The following CREBBP variants were observed in gnomAD, a reference collection of about 807,000 sequenced individuals.
CREBBP encodes the protein CREB-binding protein.
CREBBP carries 19 observed loss-of-function variants against 265.0 expected under a neutral mutation model. That is an observed-to-expected ratio of 0.07 (90% CI 0.05 to 0.11). CREBBP has a LOEUF of 0.11. CREBBP is among the 10% of genes least tolerant of loss of function. The pLI is 1.00. For synonymous variants in CREBBP, 1,457 were observed against 1,223.7 expected, an observed-to-expected ratio of 1.19 and a Z score of -3.98; for missense variants, 2,525 against 3,219.0, an observed-to-expected ratio of 0.78 and a Z score of 5.22.
chr16:3,806,766 C>G (rs1288113640), intron 3 of CREBBP, among the ~76,000 whole-genome samples: 1 of 152,124 alleles, frequency 6.6e-6, no homozygotes, highest in Non-Finnish European at 1.5e-5. Context: ...CATCTTCCCT[C>G]CAAGGCCCCC....
At chr16:3,867,443 A>C (rs970056160) in intron 1 of CREBBP, among the ~76,000 whole-genome samples, 3 of 152,004 alleles carry the variant, frequency 2.0e-5, no homozygotes, top group Admixed American at 6.5e-5. Flanking sequence ...AGTGAGCTAT[A>C]ATCTCACCAC....
intron 1 of CREBBP, among the ~76,000 whole-genome samples, chr16:3,877,576 G>A (rs1184953941): frequency 6.6e-6 from 1 of 152,194 alleles, no homozygotes; most frequent in Non-Finnish European, 1.5e-5. Context: ...CTATGTTTTT[G>A]TATTTTGAGT....
At chr16:3,771,024 C>T (rs748446701) in intron 13 of CREBBP, 38 bp from the exon 14 acceptor site, 3 of 1,609,210 alleles carry the variant, frequency 1.9e-6, no homozygotes, top group Non-Finnish European at 2.5e-6. Context: ...AATTATTTCC[C>T]CCGTTTGAAA....
intron 23 of CREBBP, chr16:3,742,203 G>A (rs1158008778): frequency 6.6e-6 from 1 of 152,256 alleles, no homozygotes; most frequent in Non-Finnish European, 1.5e-5. Context: ...ATACTCCAGA[G>A]GTGGTCTCAG....
rs1163138726 is a variant in CREBBP at position 3,736,689 on chromosome 16, C to T, written c.4521G>A (p.Leu1507=). The T allele has an allele frequency of 1.2e-6, 2 of 1,614,156 alleles. No individual in the cohort carries two copies. Among genetic ancestry groups the T allele is most frequent in the East Asian group, 2.2e-5 (1 of 44,878 alleles). ...KRLQEWYKKM[L]DKAFAERIIH... ...TGATCCGCTCTGCAAACGCCTTGTC[C>T]AGCATCTTTTTGTACCACTCCTGCA... The change falls in exon 27 of 31, where the codon CTG becomes CTA. Residue 1507 remains leucine (L), a synonymous_variant. Transcript: ENST00000262367.
intron 2 of CREBBP, among the ~76,000 whole-genome samples, chr16:3,815,964 T>C (rs1010907778): frequency 7.9e-5 from 12 of 152,172 alleles, no homozygotes; most frequent in Non-Finnish European, 1.6e-4. Context: ...AATAGGCAAC[T>C]GTTCAGTTAA....
At chr16:3,775,517 AG>A (rs1430586777) in intron 11 of CREBBP, among the ~76,000 whole-genome samples, 2 of 152,250 alleles carry the variant, frequency 1.3e-5, no homozygotes, top group Non-Finnish European at 2.9e-5. Context: ...GCGCTGCTGT[AG>A]TCATGAGAAG....
chr16:3,773,219 A>C (rs1360482384), intron 13 of CREBBP, among the ~76,000 whole-genome samples: 1 of 152,206 alleles, frequency 6.6e-6, no homozygotes, highest in Non-Finnish European at 1.5e-5. Flanking sequence ...AAAGAGGAAA[A>C]AAGGAAGGAA....
chr16:3,771,584 C>T (rs2053009748), intron 13 of CREBBP, among the ~76,000 whole-genome samples: 1 of 151,942 alleles, frequency 6.6e-6, no homozygotes, highest in South Asian at 2.1e-4. Context: ...ATTCCAAGAC[C>T]CCCAGTCTTG....
rs1337448509 is a variant in CREBBP, at chr16:3,725,406, C to T, written c.*2312G>A. On this transcript the variant is annotated 3_prime_UTR_variant, in exon 31 of 31. Transcript: ENST00000262367. Reference sequence around the variant, plus strand: ...TTAAAAGGCTGCACAACCAGGAGGGCGCCACTTTCTGAGTGTGGGCTTAGA... The same window carrying T: ...TTAAAAGGCTGCACAACCAGGAGGGTGCCACTTTCTGAGTGTGGGCTTAGA... The T allele has an allele frequency of 4.3e-6, 1 of 233,286 alleles. No individual in the cohort carries two copies. The highest frequency in any genetic ancestry group is 8.5e-6 in the Non-Finnish European group (1 of 118,034). The allele number at this position is 233,286 out of a possible 1,614,324, so 14.5% of individuals were successfully genotyped here.
At chr16:3,790,404 C>T (rs970524738) in intron 5 of CREBBP, among the ~76,000 whole-genome samples, 10 of 100,092 alleles carry the variant, frequency 1.0e-4, no homozygotes, top group African/African-American at 3.6e-4. Flanking sequence ...GACGGAGTTT[C>T]GCCCTTGTTG....
In CREBBP at chr16:3,850,571, A is replaced by T; in HGVS notation, c.524T>A (p.Ile175Asn). ...SPATSQTGPGICMNANFNQTH... is the reference protein window; with the variant it reads ...SPATSQTGPGNCMNANFNQTH... ...CTGGTTAAAGTTAGCATTCATGCAG[A>T]TACCAGGTCCAGTCTGTGACGTGGC... The change falls in exon 2 of 31, where the codon ATC becomes AAC. Residue 175 changes from isoleucine (I) to asparagine (N), a missense_variant. This residue lies in a region of CREBBP where 356 missense variants were observed against 340.4 expected (regional missense o/e 1.05). Transcript: ENST00000262367. 1 of 1,614,246 alleles carries T rather than the reference A, an allele frequency of 6.2e-7. No homozygotes were observed. Among genetic ancestry groups the T allele is most frequent in the East Asian group, 2.2e-5 (1 of 44,886 alleles).
chr16:3,840,156 T>A (rs533565248), intron 2 of CREBBP, among the ~76,000 whole-genome samples: 6 of 152,256 alleles, frequency 3.9e-5, no homozygotes, highest in African/African-American at 1.4e-4. Context: ...ATATGCTTAA[T>A]ATAAAATTCC....
rs1188372540 is a variant in CREBBP at position 3,770,650 on chromosome 16, C to A, written c.2800G>T (p.Val934Phe). Residue 934 changes from valine to phenylalanine, a missense_variant, in exon 14 of 31, where the codon GTT becomes TTT. By Grantham distance (50) the Val-to-Phe change is conservative. Coordinates refer to ENST00000262367, the MANE Select transcript of CREBBP (RefSeq NM_004380.3). The part of the protein sequence containing the change: ...AQVTPQPQTP[V>F]QPPSVATPQS... ...GGGGTAGCCACAGACGGGGGCTGAACTGGGGTTTGAGGCTGCGGGGTCACC... is the reference window on the plus strand; with the variant it reads ...GGGGTAGCCACAGACGGGGGCTGAAATGGGGTTTGAGGCTGCGGGGTCACC... The A allele has an allele frequency of 6.2e-7, 1 of 1,613,956 alleles. No homozygotes were observed.
intron 1 of CREBBP, among the ~76,000 whole-genome samples, chr16:3,859,709 C>G (rs1313977551): frequency 6.6e-6 from 1 of 152,120 alleles, no homozygotes; most frequent in Non-Finnish European, 1.5e-5. Context: ...GTAATGAAGC[C>G]TCCATAAAAA....
At chr16:3,776,384 A>C (rs2053138510) in intron 11 of CREBBP, among the ~76,000 whole-genome samples, 1 of 152,120 alleles carries the variant, frequency 6.6e-6, no homozygotes, top group African/African-American at 2.4e-5. Flanking sequence ...CCCCAAAATA[A>C]AAATCACTGC....
chr16:3,793,911 A>AAT (rs1324484714), intron 3 of CREBBP, among the ~76,000 whole-genome samples: 2 of 152,220 alleles, frequency 1.3e-5, no homozygotes, highest in African/African-American at 4.8e-5. Context: ...CTCACTCTAC[A>AAT]ATATACACAA....
Position 3,879,257 on chromosome 16 carries a change from C to T in CREBBP, c.85+575G>A, listed in dbSNP as rs896407853. On this transcript the variant is annotated intron_variant, in intron 1 of 30. Transcript: ENST00000262367. ...GCGCACACACACACACACACACACACACACAAAACAAGGAGTTTTGAAAAT... is the reference window on the plus strand; with the variant it reads ...GCGCACACACACACACACACACACATACACAAAACAAGGAGTTTTGAAAAT... Among the ~76,000 whole-genome samples the T allele has an allele frequency of 6.3e-4, 57 of 91,132 alleles. 1 individual carries two copies. The highest frequency in any genetic ancestry group is 1.9e-3 in the African/African-American group (57 of 29,646). 59.8% of individuals were successfully genotyped at this position (91,132 alleles called of 152,430 possible). A position where few individuals can be genotyped will look rare whatever the true frequency, so the allele number is the denominator to read the frequency against.
chr16:3,792,401 AAAT>A (rs2053524098), intron 4 of CREBBP, among the ~76,000 whole-genome samples: 1 of 152,250 alleles, frequency 6.6e-6, no homozygotes, highest in African/African-American at 2.4e-5. Context: ...AAGGTAGAAC[AAAT>A]AATAGTTCTG....
Sources: gnomAD v4.1 joint callset for allele counts (sites outside exome capture counted in the v4.1 genomes callset) on GRCh38, gnomAD v4.1.1 for gene constraint, gnomAD v4.1.1 regional missense constraint, MANE v1.5 for transcripts, NCBI Gene and HGNC (gene_info 2026-07-23, HGNC 2026-07-21) for gene names.